Variants in CBLN2 observed in about 807,000 individuals in gnomAD.
CBLN2 encodes cerebellin-2.
CBLN2 carries 7 observed loss-of-function variants against 15.0 expected under a neutral mutation model. The observed-to-expected ratio is 0.47, with a 90% CI of 0.27 to 0.88. The LOEUF is 0.88. Ranked by LOEUF, CBLN2 falls within the 40% of genes least tolerant of loss-of-function variation. The pLI is 0.14. For synonymous variants in CBLN2, 149 were observed against 135.2 expected (o/e 1.10, Z -0.71); for missense variants, 242 against 304.5 (o/e 0.79, Z 1.53).
At chr18:72,560,819 T>C (rs1260842300) in intron 1 of CBLN2, among the ~76,000 whole-genome samples, 6 of 151,950 alleles carry the variant, frequency 3.9e-5, no homozygotes, top group African/African-American at 1.5e-4. Context: ...CCATCCTGGC[T>C]AACATGATGA....
In CBLN2 at chr18:72,634,560, G is replaced by C. The variant is rs370580618; in HGVS notation, c.15+3765C>G. 2.0e-5 allele frequency among the ~76,000 whole-genome samples: 3 copies of C among 152,082 alleles called. No homozygotes were observed. The East Asian group carries it at 5.8e-4, about 29-fold the overall frequency. On this transcript the variant is annotated intron_variant, in intron 1 of 2. Transcript: ENST00000581073. ...GGAATTACAATACAAAGGATGTGAT[G>C]GACGTGCAGATAAGTATTCTATAAT...
chr18:72,560,615 C>G (rs1164599364), intron 1 of CBLN2, among the ~76,000 whole-genome samples: 1 of 152,154 alleles, frequency 6.6e-6, no homozygotes, highest in Non-Finnish European at 1.5e-5. Flanking sequence ...CCTGCAAAGC[C>G]TAAAATAGTT....
At chr18:72,583,358 A>G (rs1043580828) in intron 1 of CBLN2, among the ~76,000 whole-genome samples, 1 of 152,126 alleles carries the variant, frequency 6.6e-6, no homozygotes, top group Non-Finnish European at 1.5e-5. Flanking sequence ...GGTTTTCTAG[A>G]GCAGAGCCTG....
At chr18:72,605,606 T>C (rs1237865201) in intron 1 of CBLN2, among the ~76,000 whole-genome samples, 2 of 152,190 alleles carry the variant, frequency 1.3e-5, no homozygotes, top group Non-Finnish European at 2.9e-5. Context: ...AGTCAAACAA[T>C]GGAGGAATTT....
chr18:72,569,599 A>G (rs2069317435), intron 1 of CBLN2, among the ~76,000 whole-genome samples: 1 of 152,112 alleles, frequency 6.6e-6, no homozygotes, highest in Admixed American at 6.6e-5. Flanking sequence ...GATTCTGGGG[A>G]GGCCTCAGGA....
chr18:72,638,337 C>A, exon 1 of CBLN2: 1 of 398,532 alleles, frequency 2.5e-6, no homozygotes, highest in Non-Finnish European at 4.4e-6. Context: ...TGTCCCAATC[C>A]ATTCCAGTAC....
intron 1 of CBLN2, among the ~76,000 whole-genome samples, chr18:72,635,405 C>G (rs1056101719): frequency 3.9e-5 from 6 of 152,060 alleles, no homozygotes; most frequent in African/African-American, 1.4e-4. Context: ...TTAACAAGCA[C>G]AAGAATGAAT....
chr18:72,572,043 G>C (rs1006105482), intron 1 of CBLN2, among the ~76,000 whole-genome samples: 5 of 152,122 alleles, frequency 3.3e-5, no homozygotes, highest in Non-Finnish European at 7.4e-5. Flanking sequence ...TTGAGACTGT[G>C]CTCTCTAAAT....
intron 1 of CBLN2, among the ~76,000 whole-genome samples, chr18:72,619,394 G>C (rs1193136559): frequency 1.3e-5 from 2 of 152,112 alleles, no homozygotes; most frequent in East Asian, 3.9e-4. Context: ...AAAATCTCAA[G>C]GACTGTATTT....
At chr18:72,575,407 A>C (rs571773665) in intron 1 of CBLN2, among the ~76,000 whole-genome samples, 1 of 152,290 alleles carries the variant, frequency 6.6e-6, no homozygotes, top group Admixed American at 6.5e-5. Flanking sequence ...CATCAAAATG[A>C]GGGAGAACCG....
At chr18:72,608,013 T>A (rs895213718) in intron 1 of CBLN2, among the ~76,000 whole-genome samples, 2 of 152,236 alleles carry the variant, frequency 1.3e-5, no homozygotes, top group African/African-American at 4.8e-5. Context: ...GGCTTGCAAC[T>A]TCTTATCTAT....
chr18:72,537,729 A>T lies in CBLN2; in HGVS notation c.*447T>A, dbSNP rs73966255. ...AAGGCTATACAGACACACACAGAAC[A>T]CATGTCAAGGACTGTCCAGCAGGTG... On this transcript the variant is annotated 3_prime_UTR_variant, in exon 5 of 5. Coordinates refer to ENST00000269503, the MANE Select transcript of CBLN2 (RefSeq NM_182511.4). 5.9e-3 allele frequency: 1,271 copies of T among 215,410 alleles called. 21 individuals are homozygous for T. The highest frequency in any genetic ancestry group is 0.028 in the African/African-American group (1,212 of 42,998). The allele number at this position is 215,410 out of a possible 1,614,324, so 13.3% of individuals were successfully genotyped here.
At chr18:72,585,484 G>A (rs556104517) in intron 1 of CBLN2, among the ~76,000 whole-genome samples, 2 of 152,254 alleles carry the variant, frequency 1.3e-5, no homozygotes, top group East Asian at 3.9e-4. Flanking sequence ...AGAGTGGGTA[G>A]CTCCTAGCCA....
chr18:72,627,816 A>C (rs1444881257), intron 1 of CBLN2, among the ~76,000 whole-genome samples: 1 of 152,222 alleles, frequency 6.6e-6, no homozygotes, highest in Non-Finnish European at 1.5e-5. Context: ...AAAGTTCAAA[A>C]TTTTAAATAA....
At chr18:72,590,659 T>C (rs2069474646) in intron 1 of CBLN2, among the ~76,000 whole-genome samples, 1 of 152,184 alleles carries the variant, frequency 6.6e-6, no homozygotes, top group South Asian at 2.1e-4. Context: ...GACTGGATAT[T>C]TATGACAATA....
chr18:72,549,712 A>G (rs2069180053), intron 1 of CBLN2, among the ~76,000 whole-genome samples: 1 of 152,210 alleles, frequency 6.6e-6, no homozygotes, highest in Non-Finnish European at 1.5e-5. Flanking sequence ...TGGGCAAGAC[A>G]AATGAAGCAT....
At chr18:72,587,464 C>T (rs2069451403) in intron 1 of CBLN2, among the ~76,000 whole-genome samples, 1 of 151,846 alleles carries the variant, frequency 6.6e-6, no homozygotes, top group African/African-American at 2.4e-5. Flanking sequence ...CCTATAATCT[C>T]CCCAAAAAGT....
At chr18:72,596,642 A>G (rs2069515898) in intron 1 of CBLN2, among the ~76,000 whole-genome samples, 1 of 152,130 alleles carries the variant, frequency 6.6e-6, no homozygotes, top group African/African-American at 2.4e-5. Context: ...TTTGTCTGAG[A>G]AGGTCTTTAT....
chr18:72,565,880 C>A (rs571095604), intron 1 of CBLN2, among the ~76,000 whole-genome samples: 1 of 152,206 alleles, frequency 6.6e-6, no homozygotes, highest in African/African-American at 2.4e-5. Flanking sequence ...AAGAAACAAC[C>A]TATAGAATGG....
Sources: allele counts gnomAD v4.1 joint callset (sites outside exome capture counted in the v4.1 genomes callset), GRCh38; gene constraint gnomAD v4.1.1; transcripts MANE v1.5; gene names NCBI Gene and HGNC (gene_info 2026-07-23, HGNC 2026-07-21).